Variants in EXPH5 observed in about 807,000 individuals in gnomAD.
EXPH5 encodes exophilin-5.
A neutral mutation model predicts 41.1 loss-of-function variants in EXPH5; 42 were observed. The ratio of observed to expected loss-of-function variants is 1.02; its 90% CI spans 0.80 to 1.32. The LOEUF (loss-of-function observed/expected upper bound fraction) is 1.32. Among genes scored for constraint, EXPH5 ranks in the 40% most tolerant of loss-of-function variants. The pLI is 0.00. For synonymous variants in EXPH5, 798 were observed against 833.5 expected, an observed-to-expected ratio of 0.96 and a Z score of 0.73; for missense variants, 2,298 against 2,314.5, an observed-to-expected ratio of 0.99 and a Z score of 0.15.
intron 1 of EXPH5, among the ~76,000 whole-genome samples, chr11:108,551,710 T>C (rs1463866750): frequency 2.6e-5 from 4 of 152,162 alleles, no homozygotes; most frequent in Admixed American, 2.6e-4. Flanking sequence ...TCCCTTGATC[T>C]CCTACAAGTT....
rs185262592 is a variant in EXPH5, at chr11:108,562,427, A to G, written c.120-20615T>C. ...GCCAACATGGAGAAACCCGTTCTCT[A>G]CTAAACAACAACAAAAAAAAAGAAT... On this transcript the variant is annotated intron_variant, in intron 1 of 5. Transcript: ENST00000265843. Among the ~76,000 whole-genome samples, 25 of 151,666 alleles carry G rather than the reference A, an allele frequency of 1.6e-4. No individual in the cohort carries two copies. The East Asian group carries it at 4.3e-3, about 26-fold the overall frequency.
intron 4 of EXPH5, 87 bp downstream of exon 4, chr11:108,528,049 G>A (rs1446099543): frequency 1.2e-6 from 1 of 802,634 alleles, no homozygotes; most frequent in Non-Finnish European, 2.1e-6. Context: ...ACTGAGCCGA[G>A]GGGAATACTA....
chr11:108,592,447 A>G (rs577215257), intron 1 of EXPH5, among the ~76,000 whole-genome samples: 56 of 152,352 alleles, frequency 3.7e-4, no homozygotes, highest in African/African-American at 1.3e-3. Context: ...GCAGTTGATC[A>G]TAAAACAAAA....
intron 5 of EXPH5, among the ~76,000 whole-genome samples, chr11:108,516,682 C>T (rs4754325): frequency 0.13 from 19,557 of 152,196 alleles, 1,414 homozygotes; most frequent in South Asian, 0.24. Flanking sequence ...GGATTTTTCC[C>T]TATCCTATTT....
intron 3 of EXPH5, among the ~76,000 whole-genome samples, chr11:108,535,333 A>G (rs1369980824): frequency 6.6e-6 from 1 of 152,218 alleles, no homozygotes; most frequent in Non-Finnish European, 1.5e-5. Flanking sequence ...GATAAAACTT[A>G]AAACCACTCC....
intron 5 of EXPH5, among the ~76,000 whole-genome samples, chr11:108,517,804 G>T (rs1157744631): frequency 6.6e-6 from 1 of 151,866 alleles, no homozygotes; most frequent in South Asian, 2.1e-4. Flanking sequence ...TGTCACCCAG[G>T]CTGGAGTGCA....
chr11:108,518,273 G>T lies in EXPH5; in HGVS notation c.593C>A (p.Pro198Gln). 1 of 1,613,770 alleles carries T rather than the reference G, an allele frequency of 6.2e-7. No homozygotes were observed. The highest frequency in any genetic ancestry group is 1.1e-5 in the South Asian group (1 of 91,058). The change falls in exon 5 of 6, where the codon CCG (proline) becomes CAG (glutamine). Residue 198 changes from proline to glutamine, a missense_variant. By Grantham distance (76) the Pro-to-Gln change is moderately conservative. Transcript: ENST00000265843. Reference protein sequence around the residue: ...VMREESGMPPPWDASLLENEF... With the variant: ...VMREESGMPPQWDASLLENEF... The stretch of plus-strand genomic sequence containing the variant: ...ATTCTCCAGCAGTGAAGCATCCCAC[G>T]GTGGAGGCATGCCACTCTCCTCCCT...
upstream of EXPH5, among the ~76,000 whole-genome samples, chr11:108,596,421 C>T (rs921684878): frequency 6.6e-5 from 10 of 152,042 alleles, no homozygotes; most frequent in Admixed American, 1.3e-4. Context: ...AAGACAGAGA[C>T]GCAAAGATGA....
the EXPH5 span, among the ~76,000 whole-genome samples, chr11:108,602,782 A>G: frequency 6.6e-6 from 1 of 152,238 alleles, no homozygotes; most frequent in East Asian, 1.9e-4. Flanking sequence ...TAGAAACCCA[A>G]TACTTACTGC....
rs761644332 is a variant in EXPH5, at chr11:108,513,367, G to A, written c.2140C>T (p.Leu714=). ...NESISEEDKQ[L]SKMDQTNKAG... Reference sequence around the variant, plus strand: ...TTGTTTGTCTGGTCCATCTTGCTTAGCTGTTTGTCTTCTTCTGAAATAGAT... The same window carrying A: ...TTGTTTGTCTGGTCCATCTTGCTTAACTGTTTGTCTTCTTCTGAAATAGAT... Residue 714 remains leucine (L), a synonymous_variant, in exon 6 of 6, where the codon CTA becomes TTA. Coordinates refer to ENST00000265843, the MANE Select transcript of EXPH5 (RefSeq NM_015065.3). 2.8e-5 allele frequency: 45 copies of A among 1,613,914 alleles called. No homozygotes were observed. Among genetic ancestry groups the A allele is most frequent in the Non-Finnish European group, 3.6e-5 (42 of 1,179,958 alleles).
upstream of EXPH5, chr11:108,593,834 C>T (rs1336201538): frequency 4.1e-6 from 5 of 1,231,610 alleles, no homozygotes; most frequent in African/African-American, 3.0e-5. Flanking sequence ...TGTCCCCTCC[C>T]TCGTCCCCTC....
In EXPH5 at chr11:108,593,694, C is replaced by G; in HGVS notation, c.-158G>C. The G allele has an allele frequency of 5.2e-6, 8 of 1,548,284 alleles. No individual in the cohort carries two copies. The highest frequency in any genetic ancestry group is 7.0e-6 in the Non-Finnish European group (8 of 1,149,416). ...TAAAACCACAAACCTAGGGAACGCC[C>G]ACACCTGAAGGGCTCATATTGACAA... is the stretch of plus-strand genomic sequence containing the variant. On this transcript the variant is annotated 5_prime_UTR_variant, in exon 1 of 6. Coordinates refer to ENST00000265843, the MANE Select transcript of EXPH5 (RefSeq NM_015065.3).
Position 108,513,162 on chromosome 11 carries a change from T to A in EXPH5, c.2345A>T (p.Tyr782Phe), listed in dbSNP as rs534222810. ...VFSRKDTSKMYIPHTDKSNDI... is the reference protein window; with the variant it reads ...VFSRKDTSKMFIPHTDKSNDI... ...ATTGGATTTATCTGTGTGCGGTATA[T>A]ACATTTTGGAGGTATCTTTCCTGGA... is the stretch of plus-strand genomic sequence containing the variant. The change falls in exon 6 of 6, where the codon TAT becomes TTT. Residue 782 changes from tyrosine (Y) to phenylalanine (F), a missense_variant. Tyr to Phe is a conservative substitution (Grantham distance 22). Transcript: ENST00000265843. 1 of 1,614,114 alleles carries A rather than the reference T, an allele frequency of 6.2e-7. No individual in the cohort carries two copies. Among genetic ancestry groups the A allele is most frequent in the South Asian group, 1.1e-5 (1 of 91,060 alleles).
At chr11:108,541,201 C>T (rs1452975943) in intron 2 of EXPH5, among the ~76,000 whole-genome samples, 1 of 152,094 alleles carries the variant, frequency 6.6e-6, no homozygotes, top group Non-Finnish European at 1.5e-5. Context: ...CACCCCCGAC[C>T]CCCTGCCCAG....
Position 108,511,335 on chromosome 11 carries a change from C to T in EXPH5, c.4172G>A (p.Ser1391Asn), listed in dbSNP as rs2093679616. ...CATCAATGAAGTATGCAGGGTTTCA[C>T]TTTGCAACTTTTTGCCTCTTTCCTT... is the stretch of plus-strand genomic sequence containing the variant. ...NKKERGKKLQSETLHTSLMLQ... is the reference protein window; with the variant it reads ...NKKERGKKLQNETLHTSLMLQ... The change falls in exon 6 of 6, where the codon AGT (serine) becomes AAT (asparagine). Residue 1391 changes from serine to asparagine, a missense_variant. Physicochemically the swap from Ser to Asn is conservative, Grantham distance 46. Coordinates refer to ENST00000265843, the MANE Select transcript of EXPH5 (RefSeq NM_015065.3). 6.3e-7 allele frequency: 1 copy of T among 1,580,942 alleles called. No individual in the cohort carries two copies. Among genetic ancestry groups the T allele is most frequent in the Non-Finnish European group, 8.6e-7 (1 of 1,167,824 alleles).
chr11:108,566,558 A>T (rs1290171083), intron 1 of EXPH5, among the ~76,000 whole-genome samples: 1 of 152,130 alleles, frequency 6.6e-6, no homozygotes, highest in Non-Finnish European at 1.5e-5. Context: ...CTGGGTTATA[A>T]ATAAGAATTC....
At chr11:108,578,248 G>A (rs1203166508) in intron 1 of EXPH5, among the ~76,000 whole-genome samples, 3 of 152,172 alleles carry the variant, frequency 2.0e-5, no homozygotes, top group Non-Finnish European at 2.9e-5. Flanking sequence ...TCATTCTTCT[G>A]CATATGGATA....
At chr11:108,547,930 C>T (rs550572561) in intron 1 of EXPH5, among the ~76,000 whole-genome samples, 2 of 151,676 alleles carry the variant, frequency 1.3e-5, no homozygotes, top group African/African-American at 2.4e-5. Context: ...GCCAACATGG[C>T]GAAACACCAT....
intron 1 of EXPH5, among the ~76,000 whole-genome samples, chr11:108,558,865 C>CATTTA (rs989313535): frequency 1.3e-5 from 2 of 152,120 alleles, no homozygotes; most frequent in African/African-American, 4.8e-5. Flanking sequence ...TAGATTATTT[C>CATTTA]ATTTAATCAC....
Sources: allele counts gnomAD v4.1 joint callset (sites outside exome capture counted in the v4.1 genomes callset), GRCh38; gene constraint gnomAD v4.1.1; transcripts MANE v1.5; gene names NCBI Gene and HGNC (gene_info 2026-07-23, HGNC 2026-07-21).